Variants in MAPK10 observed in about 807,000 individuals in gnomAD.
The protein encoded by MAPK10 is mitogen-activated protein kinase 10, also known as JNK3 alpha protein kinase.
MAPK10 carries 25 observed loss-of-function variants against 59.3 expected under a neutral mutation model. The ratio of observed to expected loss-of-function variants is 0.42; its 90% confidence interval spans 0.31 to 0.59. The LOEUF (loss-of-function observed/expected upper bound fraction) is 0.59, where lower values mean the gene tolerates loss of function less well. MAPK10 is among the 20% of genes least tolerant of loss of function. MAPK10 has a pLI of 0.15. For missense variants in MAPK10, 351 were observed against 568.9 expected, an observed-to-expected ratio of 0.62 and a Z score of 3.90; for synonymous variants, 190 against 200.5, an observed-to-expected ratio of 0.95 and a Z score of 0.44.
chr4:86,524,050 G>C (rs531548627), intron 1 of MAPK10, among the ~76,000 whole-genome samples: 1 of 152,006 alleles, frequency 6.6e-6, no homozygotes, highest in Non-Finnish European at 1.5e-5. Flanking sequence ...TTGTTAAAAA[G>C]AGCCTGCCGC....
chr4:86,161,048 G>C (rs2069461672), intron 3 of MAPK10, among the ~76,000 whole-genome samples: 1 of 151,942 alleles, frequency 6.6e-6, no homozygotes, highest in African/African-American at 2.4e-5. Flanking sequence ...AGGATCTTGA[G>C]GCCTCCAGAT....
intron 1 of MAPK10, among the ~76,000 whole-genome samples, chr4:86,402,804 G>T (rs1743890350): frequency 6.6e-6 from 1 of 152,152 alleles, no homozygotes; most frequent in Admixed American, 6.5e-5. Flanking sequence ...AGTTGGTCCA[G>T]ATATCCCAGA....
intron 1 of MAPK10, among the ~76,000 whole-genome samples, chr4:86,445,302 A>G (rs2149050465): frequency 6.6e-6 from 1 of 152,316 alleles, no homozygotes; most frequent in East Asian, 1.9e-4. Context: ...CATTATCCTC[A>G]GCAAACTAAT....
chr4:86,085,438 A>C (rs2051578140), intron 9 of MAPK10, among the ~76,000 whole-genome samples: 1 of 152,232 alleles, frequency 6.6e-6, no homozygotes, highest in Admixed American at 6.5e-5. Context: ...TGGGCAAAAG[A>C]TTTAAATAGA....
intron 2 of MAPK10, among the ~76,000 whole-genome samples, chr4:86,206,193 C>T (rs1290806926): frequency 6.6e-6 from 1 of 151,730 alleles, no homozygotes; most frequent in Non-Finnish European, 1.5e-5. Context: ...TATCCCTCCC[C>T]CGTCCCCCCA....
rs886059682 is a variant in MAPK10 at position 86,360,050 on chromosome 4, T to C, written c.-514A>G. On this transcript the variant is annotated 5_prime_UTR_variant, in exon 1 of 14. It removes an upstream start codon present in the reference 5' UTR. Transcript: ENST00000641462. ...GTGCAGCGTGATGCTGCCTGTACCA[T>C]TGTGGAACCTACCAGAGGAGACGGA... The C allele has an allele frequency of 6.5e-5, 64 of 985,714 alleles. No homozygotes were observed. The highest frequency in any genetic ancestry group is 5.8e-5 in the Non-Finnish European group (48 of 829,990). 61.1% of individuals were successfully genotyped at this position (985,714 alleles called of 1,614,324 possible).
At chr4:86,452,934 C>T (rs970711080) in intron 1 of MAPK10, 9 of 152,350 alleles carry the variant, frequency 5.9e-5, no homozygotes, top group Admixed American at 2.0e-4. Flanking sequence ...AGCGCCCAAA[C>T]TGTGGAAGTG....
In MAPK10 at chr4:86,018,261, A is replaced by G. The variant is rs140189073; in HGVS notation, c.1253-891T>C. Among the ~76,000 whole-genome samples the G allele has an allele frequency of 5.9e-4, 90 of 152,280 alleles. 1 individual carries two copies. Among genetic ancestry groups the G allele is most frequent in the Non-Finnish European group, 8.1e-4 (55 of 68,024 alleles). ...ACCACATCTCTAGAGAAAGGAAGAT[A>G]TATAAATACTATTATGTCATCATTA... On this transcript the variant is annotated intron_variant, in intron 13 of 13. Coordinates refer to ENST00000641462, the MANE Select transcript of MAPK10 (RefSeq NM_138982.4).
chr4:86,465,099 T>G (rs771118873), intron 1 of MAPK10, among the ~76,000 whole-genome samples: 6 of 152,218 alleles, frequency 3.9e-5, no homozygotes, highest in Non-Finnish European at 5.9e-5. Context: ...TCCTCGAGGA[T>G]TGGAACCTAA....
intron 2 of MAPK10, among the ~76,000 whole-genome samples, chr4:86,268,840 G>GTGAA (rs1203347594): frequency 6.6e-6 from 1 of 152,074 alleles, no homozygotes; most frequent in Non-Finnish European, 1.5e-5. Flanking sequence ...GTATCAGTAT[G>GTGAA]TGAATGAATG....
intron 4 of MAPK10, among the ~76,000 whole-genome samples, chr4:86,149,565 C>T (rs1240320651): frequency 1.3e-5 from 2 of 152,210 alleles, no homozygotes; most frequent in Non-Finnish European, 2.9e-5. Context: ...CCGCACCCAA[C>T]CTGGATTGGA....
intron 2 of MAPK10, among the ~76,000 whole-genome samples, chr4:86,204,021 C>G (rs770155750): frequency 6.6e-6 from 1 of 151,752 alleles, no homozygotes. Context: ...AAAATTGTAT[C>G]GGAACATAGC....
In MAPK10 at chr4:86,078,708, G is replaced by T. The variant is rs111514414; in HGVS notation, c.803-10753C>A. Among the ~76,000 whole-genome samples the T allele has an allele frequency of 2.7e-3, 417 of 152,004 alleles. 3 individuals are homozygous for T. Among genetic ancestry groups the T allele is most frequent in the African/African-American group, 9.2e-3 (382 of 41,444 alleles). On this transcript the variant is annotated intron_variant, in intron 9 of 13. Transcript: ENST00000641462. ...TTGTTTCTTTAAAAATGTTTTTAGG[G>T]GCCAGGGACAGAGGCTCATGCATGT...
At chr4:86,388,183 T>C (rs7694920) in intron 1 of MAPK10, among the ~76,000 whole-genome samples, 107,640 of 151,448 alleles carry the variant, frequency 0.71, 39,420 homozygotes, top group South Asian at 0.9. Flanking sequence ...AGGAAAAAAA[T>C]GTGTGTGTGT....
intron 1 of MAPK10, among the ~76,000 whole-genome samples, chr4:86,368,552 G>T (rs1318368173): frequency 2.0e-5 from 3 of 152,144 alleles, no homozygotes; most frequent in Non-Finnish European, 4.4e-5. Context: ...TCTCCTGAAA[G>T]TTCTTCCTAG....
intron 2 of MAPK10, among the ~76,000 whole-genome samples, chr4:86,298,340 T>A (rs6839310): frequency 0.032 from 4,856 of 152,230 alleles, 135 homozygotes; most frequent in African/African-American, 0.076. Flanking sequence ...ACATTAAAAA[T>A]ATATATAAGA....
intron 2 of MAPK10, among the ~76,000 whole-genome samples, chr4:86,341,873 C>T (rs1225878217): frequency 1.3e-5 from 2 of 149,862 alleles, no homozygotes; most frequent in Non-Finnish European, 3.0e-5. Context: ...ATGAGCTTTA[C>T]CTTCATTACC....
intron 1 of MAPK10, among the ~76,000 whole-genome samples, chr4:86,404,790 G>A (rs1282340768): frequency 7.2e-5 from 11 of 152,272 alleles, no homozygotes; most frequent in South Asian, 4.1e-4. Flanking sequence ...TCTTGGTTTC[G>A]AATTCTATCT....
chr4:86,057,025 G>A (rs1445666523), intron 11 of MAPK10, among the ~76,000 whole-genome samples: 1 of 148,154 alleles, frequency 6.7e-6, no homozygotes, highest in Non-Finnish European at 1.5e-5. Context: ...GTGCAGTGGT[G>A]CGATCTCGGC....
Sources: allele counts gnomAD v4.1 joint callset (sites outside exome capture counted in the v4.1 genomes callset), GRCh38; gene constraint gnomAD v4.1.1; transcripts MANE v1.5; gene names NCBI Gene and HGNC (gene_info 2026-07-23, HGNC 2026-07-21).